The following TNS1 variants were observed in gnomAD, a reference collection of about 807,000 sequenced individuals.
The protein encoded by TNS1 is tensin 1, also known as tensin-1.
In TNS1, 62 loss-of-function variants were observed where a neutral mutation model predicts 168.6. That is an observed-to-expected ratio of 0.37 (90% CI 0.30 to 0.45). The LOEUF (loss-of-function observed/expected upper bound fraction) is 0.45. Among genes scored for constraint, TNS1 ranks in the 20% least tolerant of loss-of-function variants. The pLI is 1.00. For missense variants in TNS1, 2,240 were observed against 2,339.4 expected, an observed-to-expected ratio of 0.96 and a Z score of 0.88; for synonymous variants, 934 against 933.2, an observed-to-expected ratio of 1.00 and a Z score of -0.02.
At position 217,813,928 on chromosome 2, in the gene TNS1, T is replaced by C. The variant is rs1451717126; in HGVS notation, c.4730-112A>G. On this transcript the variant is annotated intron_variant, in intron 25 of 32. Transcript: ENST00000682258. The surrounding 1 kb of genome is among the most constrained non-coding windows in gnomAD (Gnocchi z 4.0). Reference sequence around the variant, plus strand: ...TCGTTCTTTCTTAGGTGAGACAAATTTTCTTTAAAGTTAAAATTTAACTAC... The same window carrying C: ...TCGTTCTTTCTTAGGTGAGACAAATCTTCTTTAAAGTTAAAATTTAACTAC... The C allele has an allele frequency of 4.5e-6, 6 of 1,327,194 alleles. No individual in the cohort carries two copies. Among genetic ancestry groups the C allele is most frequent in the African/African-American group, 1.5e-5 (1 of 65,486 alleles). 82.2% of individuals were successfully genotyped at this position (1,327,194 alleles called of 1,614,324 possible).
At chr2:217,963,912 G>C (rs77748418) in intron 3 of TNS1, among the ~76,000 whole-genome samples, 2 of 142,186 alleles carry the variant, frequency 1.4e-5, no homozygotes, top group Admixed American at 1.4e-4. Flanking sequence ...AAAATTAGTC[G>C]GGTGTGGTAA....
intron 3 of TNS1, among the ~76,000 whole-genome samples, chr2:217,958,914 A>G (rs963870256): frequency 9.2e-5 from 14 of 152,228 alleles, no homozygotes; most frequent in African/African-American, 3.1e-4. Context: ...ACCTTCTACA[A>G]GGTTCTCAGC....
intron 18 of TNS1, among the ~76,000 whole-genome samples, chr2:217,869,083 G>A (rs749762326): frequency 2.6e-5 from 4 of 152,222 alleles, no homozygotes; most frequent in Non-Finnish European, 4.4e-5. Flanking sequence ...CCAGACCCCA[G>A]ATCCCTTGAA....
intron 3 of TNS1, among the ~76,000 whole-genome samples, chr2:217,967,381 G>C (rs1030386893): frequency 2.6e-5 from 4 of 151,900 alleles, no homozygotes; most frequent in African/African-American, 9.7e-5. Context: ...GCAAAAGTAA[G>C]GAAAAGGTAA....
Position 217,808,085 on chromosome 2 carries a change from C to T in TNS1, c.5365G>A (p.Ala1789Thr), listed in dbSNP as rs200309108. 3.9e-4 allele frequency: 634 copies of T among 1,613,242 alleles called. 4 individuals are homozygous for T. In the South Asian group the frequency reaches 5.8e-3, roughly 15 times the overall value. Residue 1789 changes from alanine to threonine, a missense_variant, in exon 32 of 33, where the codon GCC (alanine) becomes ACC (threonine). Coordinates refer to ENST00000682258, the MANE Select transcript of TNS1 (RefSeq NM_001387777.1). ...ERKWMKTEGG[A>T]PAKLFGFVAR... is the part of the protein sequence containing the mutation. ...AGAAGTCACACTTACTTAGCAGGGGCACCACCCTCTGTTTTCATCCACCTG... is the reference window on the plus strand; with the variant it reads ...AGAAGTCACACTTACTTAGCAGGGGTACCACCCTCTGTTTTCATCCACCTG...
intron 3 of TNS1, among the ~76,000 whole-genome samples, chr2:217,942,950 G>A: frequency 6.6e-6 from 1 of 152,190 alleles, no homozygotes; most frequent in Non-Finnish European, 1.5e-5. Context: ...AAAACATCTG[G>A]GCAGGCAGTC....
intron 25 of TNS1, among the ~76,000 whole-genome samples, chr2:217,814,298 G>A (rs1158321009): frequency 6.6e-6 from 1 of 150,532 alleles, no homozygotes; most frequent in Non-Finnish European, 1.5e-5. Context: ...TTATAGGTGT[G>A]CACCACCACA....
chr2:217,887,250 C>T (rs954192260), intron 12 of TNS1, among the ~76,000 whole-genome samples: 6 of 152,202 alleles, frequency 3.9e-5, no homozygotes, highest in African/African-American at 1.4e-4. Flanking sequence ...ACTTGGTATT[C>T]GAGGTAACTA....
rs61543642 is a variant in TNS1, at chr2:217,983,949, C to T, written c.149-5147G>A. ...TTGGTTTTATTTTTTAGATGAGATT[C>T]ACATTTAAATCAGTAAACTATGAAT... On this transcript the variant is annotated intron_variant, in intron 2 of 32. Coordinates refer to ENST00000682258, the MANE Select transcript of TNS1 (RefSeq NM_001387777.1). Among the ~76,000 whole-genome samples the T allele has an allele frequency of 2.7e-3, 414 of 152,296 alleles. 2 individuals are homozygous for T. Among genetic ancestry groups the T allele is most frequent in the African/African-American group, 9.0e-3 (374 of 41,568 alleles).
chr2:217,848,238 C>T lies in TNS1; in HGVS notation c.2279G>A (p.Arg760Gln), dbSNP rs372143060. Reference sequence around the variant, plus strand: ...CACAGCCTCCCGGCTGCTTCCCCCTCGGACCGGAGCTGGGGGCAGCTGGGG... The same window carrying T: ...CACAGCCTCCCGGCTGCTTCCCCCTTGGACCGGAGCTGGGGGCAGCTGGGG... ...AEPQLPPAPV[R>Q]GGSSREAVQR... is the part of the protein sequence containing the mutation. The change falls in exon 19 of 33, where the codon CGA (arginine) becomes CAA (glutamine). Residue 760 changes from arginine to glutamine, a missense_variant. Arg to Gln is a conservative substitution (Grantham distance 43, BLOSUM62 1). Around this residue, in one of 2 missense-constraint regions of TNS1, gnomAD observed 2,131 missense variants for 2,171.2 expected, o/e 0.98. Coordinates refer to ENST00000682258, the MANE Select transcript of TNS1 (RefSeq NM_001387777.1). The T allele has an allele frequency of 2.5e-6, 4 of 1,570,108 alleles. No homozygotes were observed. The highest frequency in any genetic ancestry group is 3.5e-6 in the Non-Finnish European group (4 of 1,158,524).
chr2:217,847,884 G>A lies in TNS1; in HGVS notation c.2633C>T (p.Ser878Phe), dbSNP rs1946883914. The A allele has an allele frequency of 6.4e-6, 10 of 1,555,632 alleles. No homozygotes were observed. Among genetic ancestry groups the A allele is most frequent in the Non-Finnish European group, 7.0e-6 (8 of 1,142,942 alleles). ...PLSSQPLSGS[S>F]RQSHPLTQSR... The stretch of plus-strand genomic sequence containing the variant: ...CTGGGTCAGTGGATGGGACTGACGG[G>A]AGGATCCAGAGAGGGGCTGGGAGGA... Residue 878 changes from serine to phenylalanine, a missense_variant, in exon 19 of 33, where the codon TCC becomes TTC. Transcript: ENST00000682258.
intron 3 of TNS1, among the ~76,000 whole-genome samples, chr2:217,924,149 T>C (rs2125874836): frequency 6.6e-6 from 1 of 152,298 alleles, no homozygotes; most frequent in African/African-American, 2.4e-5. Context: ...CAACACCTAG[T>C]TCTGTTCTTC....
intron 8 of TNS1, among the ~76,000 whole-genome samples, chr2:217,895,279 C>T (rs907655553): frequency 3.9e-5 from 6 of 152,186 alleles, no homozygotes; most frequent in East Asian, 1.9e-4. Context: ...TGCCTGCTCT[C>T]GCTCTCTCTC....
rs762473827 is a variant in TNS1 at position 218,033,962 on chromosome 2, A to G, written c.14T>C (p.Val5Ala). Residue 5 changes from valine to alanine, a missense_variant, in exon 1 of 2, where the codon GTG becomes GCG. By Grantham distance (64) the Val-to-Ala change is moderately conservative. Coordinates refer to the TNS1 transcript ENST00000649572. The surrounding 1 kb of genome is among the most constrained non-coding windows in gnomAD (Gnocchi z 4.3). Reference sequence around the variant, plus strand: ...CAGCTCTTCGCAGCACACCAGGCTCACAGTGCAGCCCATCCGGCCTGGCGC... The same window carrying G: ...CAGCTCTTCGCAGCACACCAGGCTCGCAGTGCAGCCCATCCGGCCTGGCGC... Among the ~76,000 whole-genome samples, 3 of 152,178 alleles carry G rather than the reference A, an allele frequency of 2.0e-5. No individual in the cohort carries two copies. The highest frequency in any genetic ancestry group is 4.4e-5 in the Non-Finnish European group (3 of 68,032).
At chr2:217,876,726 C>T (rs1381299309) in intron 18 of TNS1, among the ~76,000 whole-genome samples, 8 of 152,038 alleles carry the variant, frequency 5.3e-5, no homozygotes, top group East Asian at 3.9e-4. Flanking sequence ...TACTCCAATA[C>T]GTCTGGTGTC....
intron 11 of TNS1, among the ~76,000 whole-genome samples, chr2:217,892,641 A>G (rs905702561): frequency 3.9e-5 from 6 of 152,120 alleles, no homozygotes; most frequent in Non-Finnish European, 5.9e-5. Context: ...GGCCCAGGGA[A>G]AAAGAAGGCA....
In TNS1 at chr2:217,886,785, A is replaced by G. The variant is rs913940045; in HGVS notation, c.867-139T>C. 4 of 680,276 alleles carry G rather than the reference A, an allele frequency of 5.9e-6. No individual in the cohort carries two copies. In the African/African-American group the frequency reaches 7.1e-5, roughly 12 times the overall value. The allele number at this position is 680,276 out of a possible 1,614,324, so 42.1% of individuals were successfully genotyped here. ...CCCAACCAACATGGTCCCCCTCCCC[A>G]ACCAGGCCTCCCTCCCAGACATGCT... On this transcript the variant is annotated intron_variant, in intron 12 of 32. Coordinates refer to ENST00000682258, the MANE Select transcript of TNS1 (RefSeq NM_001387777.1).
At chr2:217,855,020 A>G (rs1488669065) in intron 18 of TNS1, among the ~76,000 whole-genome samples, 1 of 152,210 alleles carries the variant, frequency 6.6e-6, no homozygotes, top group Non-Finnish European at 1.5e-5. Context: ...GCTGAGTGAT[A>G]GCACTCAGGA....
At chr2:217,998,714 A>T (rs1208672796) in intron 1 of TNS1, among the ~76,000 whole-genome samples, 3 of 152,188 alleles carry the variant, frequency 2.0e-5, no homozygotes, top group Non-Finnish European at 4.4e-5. Context: ...TGCTCGGGCC[A>T]GTCTTGAACT....
Sources: allele counts gnomAD v4.1 joint callset (sites outside exome capture counted in the v4.1 genomes callset), GRCh38; gene constraint gnomAD v4.1.1; regional missense constraint gnomAD v4.1.1; non-coding constraint Gnocchi (gnomAD v3.1); transcripts MANE v1.5; gene names NCBI Gene and HGNC (gene_info 2026-07-23, HGNC 2026-07-21).